Variants in NEIL3 observed in about 807,000 individuals in gnomAD.
The protein encoded by NEIL3 is endonuclease 8-like 3.
In NEIL3, 48 loss-of-function variants were observed where a neutral mutation model predicts 57.5. The observed-to-expected ratio is 0.83, with a 90% CI of 0.66 to 1.06. The LOEUF (loss-of-function observed/expected upper bound fraction) is 1.06, where lower values mean the gene tolerates loss of function less well. Among genes scored for constraint, NEIL3 ranks in the 50% least tolerant of loss-of-function variants. NEIL3 has a pLI of 0.00. For synonymous variants in NEIL3, 261 were observed against 253.2 expected, an observed-to-expected ratio of 1.03 and a Z score of -0.29; for missense variants, 717 against 739.1, an observed-to-expected ratio of 0.97 and a Z score of 0.35.
At position 177,351,557 on chromosome 4, in the gene NEIL3, T is replaced by G; in HGVS notation, c.1039+8T>G. The G allele has an allele frequency of 6.2e-7, 1 of 1,602,444 alleles. No homozygotes were observed. Among genetic ancestry groups the G allele is most frequent in the Non-Finnish European group, 8.5e-7 (1 of 1,173,638 alleles). On this transcript the variant is annotated splice_region_variant and intron_variant, in intron 7 of 9. Coordinates refer to ENST00000264596, the MANE Select transcript of NEIL3 (RefSeq NM_018248.3). ...TGACCTCAAGGCCTATTGGTAAGAC[T>G]GAATTTTGATTTTGAGTTTGTTACA...
At chr4:177,319,726 C>A (rs531035115) in intron 1 of NEIL3, among the ~76,000 whole-genome samples, 1 of 152,128 alleles carries the variant, frequency 6.6e-6, no homozygotes, top group East Asian at 1.9e-4. Flanking sequence ...GCAGTAGTAG[C>A]AAATTCTTTC....
intron 8 of NEIL3, 35 bp downstream of exon 8, chr4:177,353,763 TG>T: frequency 6.6e-7 from 1 of 1,520,278 alleles, no homozygotes; most frequent in Non-Finnish European, 8.9e-7. Flanking sequence ...TTAAGATAAT[TG>T]CTTTTTTTTT....
chr4:177,347,749 G>A (rs1016422239), intron 6 of NEIL3, among the ~76,000 whole-genome samples: 6 of 152,088 alleles, frequency 3.9e-5, no homozygotes, highest in African/African-American at 1.4e-4. Flanking sequence ...ATATAATTTG[G>A]GGGCCCTTAT....
At chr4:177,359,316 C>A (rs1270289492) in intron 8 of NEIL3, among the ~76,000 whole-genome samples, 1 of 152,178 alleles carries the variant, frequency 6.6e-6, no homozygotes, top group Admixed American at 6.5e-5. Flanking sequence ...AAAAACTGCC[C>A]TCAGAATGTT....
chr4:177,341,365 T>A, intron 5 of NEIL3, 111 bp from the exon 6 acceptor site: 3 of 774,314 alleles, frequency 3.9e-6, no homozygotes, highest in Non-Finnish European at 6.0e-6. Flanking sequence ...TACAAACATA[T>A]GTAAATTTTT....
At chr4:177,351,677 G>T in intron 7 of NEIL3, 128 bp downstream of exon 7, 2 of 761,254 alleles carry the variant, frequency 2.6e-6, no homozygotes, top group Non-Finnish European at 2.1e-6. Context: ...AAGGTTTAAA[G>T]GAATTGCCAG....
chr4:177,318,610 C>T (rs1353977465), intron 1 of NEIL3, among the ~76,000 whole-genome samples: 1 of 152,168 alleles, frequency 6.6e-6, no homozygotes, highest in Admixed American at 6.5e-5. Flanking sequence ...AGGGCCTTTG[C>T]TCTGTCATTC....
intron 4 of NEIL3, 100 bp from the exon 5 acceptor site, chr4:177,339,683 T>A (rs1013755575): frequency 1.6e-5 from 12 of 770,102 alleles, no homozygotes. Flanking sequence ...GTATTCAAAA[T>A]CTATTTACAG....
At chr4:177,331,897 T>C (rs1314239074) in intron 2 of NEIL3, among the ~76,000 whole-genome samples, 2 of 152,160 alleles carry the variant, frequency 1.3e-5, no homozygotes, top group Non-Finnish European at 2.9e-5. Context: ...CTTTATGCCT[T>C]GTGTGTGGTC....
chr4:177,345,257 A>G (rs116813295), intron 6 of NEIL3, among the ~76,000 whole-genome samples: 6 of 152,342 alleles, frequency 3.9e-5, no homozygotes, highest in Non-Finnish European at 8.8e-5. Flanking sequence ...ATAGGAATTC[A>G]TCAAAGACAA....
Position 177,360,577 on chromosome 4 carries a change from G to GCC in NEIL3, c.1536_1537dup (p.Leu513ProfsTer51), listed in dbSNP as rs1375004053. ...AGCCCTCGCTGCAGTAAACACAACC[G>GCC]CCTCTGCATTCTCCGAGTTGTGGGG... On this transcript the variant is annotated frameshift_variant, in exon 9 of 10. Transcript: ENST00000264596. LOFTEE classifies it high-confidence loss of function. 6.2e-7 allele frequency: 1 copy of GCC among 1,613,746 alleles called. No individual in the cohort carries two copies. The highest frequency in any genetic ancestry group is 8.5e-7 in the Non-Finnish European group (1 of 1,179,828).
At position 177,362,331 on chromosome 4, in the gene NEIL3, T is replaced by C. The variant is rs1313910348; in HGVS notation, c.1678T>C (p.Ser560Pro). The C allele has an allele frequency of 1.2e-6, 2 of 1,611,858 alleles. No homozygotes were observed. Among genetic ancestry groups the C allele is most frequent in the Non-Finnish European group, 1.7e-6 (2 of 1,179,238 alleles). ...CCCATTCTGCAACCATGGCAAGCGTTCCACCATGAAAACAGTATTGAAGAT... is the reference window on the plus strand; with the variant it reads ...CCCATTCTGCAACCATGGCAAGCGTCCCACCATGAAAACAGTATTGAAGAT... ...SFPFCNHGKRSTMKTVLKIGP... is the reference protein window; with the variant it reads ...SFPFCNHGKRPTMKTVLKIGP... Residue 560 changes from serine (S) to proline (P), a missense_variant, in exon 10 of 10, where the codon TCC (serine) becomes CCC (proline). Ser to Pro is a moderately conservative substitution (Grantham distance 74, BLOSUM62 -1). Transcript: ENST00000264596.
chr4:177,341,663 G>A, intron 6 of NEIL3, 21 bp downstream of exon 6: 1 of 1,598,776 alleles, frequency 6.3e-7, no homozygotes, highest in Non-Finnish European at 8.5e-7. Context: ...GAATTTAAAG[G>A]GATACCATTT....
intron 6 of NEIL3, among the ~76,000 whole-genome samples, chr4:177,349,793 A>T (rs1451801568): frequency 1.3e-5 from 2 of 152,216 alleles, no homozygotes; most frequent in African/African-American, 4.8e-5. Context: ...AAGCCTCCAT[A>T]TGTAACAATA....
At chr4:177,356,853 A>G (rs1735483592) in intron 8 of NEIL3, 1 of 152,242 alleles carries the variant, frequency 6.6e-6, no homozygotes, top group Non-Finnish European at 1.5e-5. Context: ...TTGTCGATCC[A>G]ATTACTGTAA....
chr4:177,326,466 C>T (rs924639298), intron 2 of NEIL3, among the ~76,000 whole-genome samples: 1 of 151,066 alleles, frequency 6.6e-6, no homozygotes, highest in Admixed American at 6.6e-5. Context: ...ATTAAAGTAG[C>T]TTTAAAGTCA....
intron 1 of NEIL3, among the ~76,000 whole-genome samples, chr4:177,318,913 T>G (rs960980777): frequency 2.6e-5 from 4 of 152,200 alleles, no homozygotes; most frequent in Non-Finnish European, 5.9e-5. Flanking sequence ...GCCTGACACA[T>G]AGTGGAAGGT....
chr4:177,322,324 CTTG>C, intron 1 of NEIL3, 132 bp from the exon 2 acceptor site: 2 of 1,182,220 alleles, frequency 1.7e-6, no homozygotes, highest in Non-Finnish European at 2.4e-6. Context: ...CATTACATGA[CTTG>C]TTGGAGATTA....
At chr4:177,340,896 A>G (rs1735078329) in intron 5 of NEIL3, among the ~76,000 whole-genome samples, 1 of 152,086 alleles carries the variant, frequency 6.6e-6, no homozygotes, top group Non-Finnish European at 1.5e-5. Flanking sequence ...AAAATGGAAT[A>G]TATTCTCTGC....
Sources: gnomAD v4.1 joint callset for allele counts (sites outside exome capture counted in the v4.1 genomes callset) on GRCh38, gnomAD v4.1.1 for gene constraint, MANE v1.5 for transcripts, NCBI Gene and HGNC (gene_info 2026-07-23, HGNC 2026-07-21) for gene names.